NTRK1: variants seen among roughly 807,000 people sequenced by gnomAD.
The protein encoded by NTRK1 is neurotrophic receptor tyrosine kinase 1.
In NTRK1, 62 loss-of-function variants were observed where a neutral mutation model predicts 86.8. The ratio of observed to expected loss-of-function variants is 0.71; its 90% CI spans 0.58 to 0.88. NTRK1 has a LOEUF of 0.88. Among genes scored for constraint, NTRK1 ranks in the 40% least tolerant of loss-of-function variants. The probability of loss-of-function intolerance (pLI) is 0.00; values close to 1 mark genes in which losing one functional copy is unlikely to be tolerated. For synonymous variants in NTRK1, 469 were observed against 456.6 expected, an observed-to-expected ratio of 1.03 and a Z score of -0.35; for missense variants, 967 against 1,078.4, an observed-to-expected ratio of 0.90 and a Z score of 1.45.
chr1:156,865,492 A>G (rs1655888347), intron 3 of NTRK1, among the ~76,000 whole-genome samples: 1 of 152,158 alleles, frequency 6.6e-6, no homozygotes. Flanking sequence ...GGTAATGCTC[A>G]CTCACCGCTG....
intron 2 of NTRK1, chr1:156,846,096 T>A (rs1654998204): frequency 6.2e-7 from 1 of 1,606,992 alleles, no homozygotes; most frequent in Admixed American, 1.7e-5. Context: ...GACGTGGAGA[T>A]GACGTCTTGG....
chr1:156,841,153 C>T (rs374129757), intron 1 of NTRK1: 347 of 1,386,444 alleles, frequency 2.5e-4, no homozygotes, highest in Non-Finnish European at 3.1e-4. Flanking sequence ...GCCCCTGCCA[C>T]GCTCTCAGCC....
At chr1:156,877,188 A>G (rs1647972689) in intron 14 of NTRK1, among the ~76,000 whole-genome samples, 1 of 152,102 alleles carries the variant, frequency 6.6e-6, no homozygotes, top group South Asian at 2.1e-4. Flanking sequence ...ACCTGGCTCT[A>G]CAATTTGTTC....
chr1:156,816,055 T>C (rs1381410726), intron 1 of NTRK1: 2 of 1,614,122 alleles, frequency 1.2e-6, no homozygotes, highest in Non-Finnish European at 1.7e-6. Context: ...GTCTGTGATC[T>C]GGAAGGTGCT....
intron 1 of NTRK1, among the ~76,000 whole-genome samples, chr1:156,831,323 C>T (rs1654462887): frequency 6.6e-6 from 1 of 152,310 alleles, no homozygotes; most frequent in South Asian, 2.1e-4. Flanking sequence ...CTCTACTTCT[C>T]GCTCCTGCTG....
chr1:156,871,843 G>A (rs1025513923), intron 7 of NTRK1, 88 bp downstream of exon 7: 1 of 1,567,542 alleles, frequency 6.4e-7, no homozygotes, highest in Non-Finnish European at 8.7e-7. Context: ...CTGGAAGAAA[G>A]GGTGGGATGT....
At chr1:156,874,344 C>T (rs918368642) in intron 8 of NTRK1, 39 bp from the exon 9 acceptor site, 1 of 1,613,892 alleles carries the variant, frequency 6.2e-7, no homozygotes, top group Non-Finnish European at 8.5e-7. Flanking sequence ...TGCTTTCTCT[C>T]CTCCCTCTGA....
At chr1:156,816,020 G>C in intron 1 of NTRK1, 1 of 1,614,070 alleles carries the variant, frequency 6.2e-7, no homozygotes, top group Non-Finnish European at 8.5e-7. Flanking sequence ...GTGTAGCCCA[G>C]GTTCTGGCAG....
intron 2 of NTRK1, chr1:156,845,025 G>C (rs1654939335): frequency 7.1e-6 from 11 of 1,558,472 alleles, no homozygotes; most frequent in Non-Finnish European, 9.6e-6. Flanking sequence ...CTTTGCACAG[G>C]GTCCTTGGGG....
intron 2 of NTRK1, chr1:156,842,584 CCA>C: frequency 9.2e-7 from 1 of 1,089,158 alleles, no homozygotes. Flanking sequence ...TCTGCTATGA[CCA>C]CAGTCTGACT....
rs1571703866 is a variant in NTRK1, at chr1:156,880,020, C to T, written c.2068C>T (p.Pro690Ser). The stretch of plus-strand genomic sequence containing the variant: ...GCAGGTGGGAGGCCGCACCATGCTG[C>T]CCATTCGCTGGATGCCGCCCGAGAG... ...YYRVGGRTMLPIRWMPPESIL... is the reference protein window; with the variant it reads ...YYRVGGRTMLSIRWMPPESIL... Residue 690 changes from proline (P) to serine (S), a missense_variant, in exon 16 of 17, where the codon CCC (proline) becomes TCC (serine). Coordinates refer to ENST00000524377, the MANE Select transcript of NTRK1 (RefSeq NM_002529.4). The T allele has an allele frequency of 3.1e-6, 5 of 1,613,424 alleles. No homozygotes were observed. The highest frequency in any genetic ancestry group is 4.2e-6 in the Non-Finnish European group (5 of 1,180,000).
intron 2 of NTRK1, chr1:156,843,052 C>T: frequency 6.2e-7 from 1 of 1,614,188 alleles, no homozygotes; most frequent in East Asian, 2.2e-5. Flanking sequence ...CCTTGAGGAA[C>T]TCAATGCATT....
At chr1:156,878,791 AC>A (rs1388628215) in intron 14 of NTRK1, among the ~76,000 whole-genome samples, 16 of 152,286 alleles carry the variant, frequency 1.1e-4, no homozygotes, top group African/African-American at 3.9e-4. Flanking sequence ...GGGGAAAGAC[AC>A]CGAGCTCCAA....
intron 2 of NTRK1, chr1:156,849,389 G>A (rs1435222438): frequency 6.2e-7 from 1 of 1,613,782 alleles, no homozygotes; most frequent in Admixed American, 1.7e-5. Context: ...CACGGGAATG[G>A]TGAGCCCCGC....
chr1:156,878,977 C>A, intron 14 of NTRK1, 145 bp from the exon 15 acceptor site: 2 of 928,968 alleles, frequency 2.2e-6, no homozygotes, highest in Non-Finnish European at 3.2e-6. Flanking sequence ...CCCCTCTGGA[C>A]AGCTGCCTCT....
At chr1:156,845,833 G>C in intron 2 of NTRK1, 3 of 1,610,084 alleles carry the variant, frequency 1.9e-6, no homozygotes, top group Non-Finnish European at 2.5e-6. Flanking sequence ...GCAGCGGGAA[G>C]ACACTAGTAA....
chr1:156,852,032 G>T, intron 2 of NTRK1: 1 of 1,613,538 alleles, frequency 6.2e-7, no homozygotes, highest in Non-Finnish European at 8.5e-7. Context: ...ATACTGGTAG[G>T]TGCCTGGCGG....
At chr1:156,842,108 G>A (rs770161044) in exon 2 of NTRK1, 26 of 1,613,908 alleles carry the variant, frequency 1.6e-5, no homozygotes, top group Non-Finnish European at 2.2e-5. Flanking sequence ...GGCACCCTCT[G>A]TACCCCCGAT....
chr1:156,875,495 C>G (rs775021140), intron 11 of NTRK1, 25 bp from the exon 12 acceptor site: 1 of 1,613,502 alleles, frequency 6.2e-7, no homozygotes. Context: ...GCAAACCCCT[C>G]CATGCGGCTG....
Sources: gnomAD v4.1 joint callset for allele counts (sites outside exome capture counted in the v4.1 genomes callset) on GRCh38, gnomAD v4.1.1 for gene constraint, MANE v1.5 for transcripts, NCBI Gene and HGNC (gene_info 2026-07-23, HGNC 2026-07-21) for gene names.